Variants in AKIP1 observed in about 807,000 individuals in gnomAD.
The protein encoded by AKIP1 is A-kinase-interacting protein 1.
AKIP1 carries 18 observed loss-of-function variants against 22.3 expected under a neutral mutation model. That is an observed-to-expected ratio of 0.81 (90% CI 0.56 to 1.19). The LOEUF (loss-of-function observed/expected upper bound fraction) is 1.19. Ranked by LOEUF, AKIP1 falls within the 50% of genes most tolerant of loss-of-function variation. The pLI is 0.00. For synonymous variants in AKIP1, 120 were observed against 102.7 expected, an observed-to-expected ratio of 1.17 and a Z score of -1.02; for missense variants, 287 against 264.6, an observed-to-expected ratio of 1.08 and a Z score of -0.59.
At chr11:8,915,080 T>C (rs1452245523) in intron 4 of AKIP1, 150 bp downstream of exon 4, 5 of 576,280 alleles carry the variant, frequency 8.7e-6, no homozygotes, top group Non-Finnish European at 3.1e-6. Flanking sequence ...TTCATAGCCT[T>C]AGAGAACTTA....
At position 8,919,600 on chromosome 11, in the gene AKIP1, G is replaced by A. The variant is rs1466973457; in HGVS notation, c.*120G>A. On this transcript the variant is annotated 3_prime_UTR_variant, in exon 6 of 6. Coordinates refer to ENST00000309377, the MANE Select transcript of AKIP1 (RefSeq NM_020642.4). The stretch of plus-strand genomic sequence containing the variant: ...TTAGTGCTGACTGGGTCAGCCTTCC[G>A]GGAACTGGAGTCTGTCTCTTTCAGT... 19 of 1,102,428 alleles carry A rather than the reference G, an allele frequency of 1.7e-5. No individual in the cohort carries two copies. The highest frequency in any genetic ancestry group is 4.7e-5 in the Admixed American group (2 of 42,724). 68.3% of individuals were successfully genotyped at this position (1,102,428 alleles called of 1,614,324 possible).
At chr11:8,915,358 CT>C (rs559350653) in intron 4 of AKIP1, among the ~76,000 whole-genome samples, 35,480 of 84,550 alleles carry the variant, frequency 0.42, 5,032 homozygotes, top group Middle Eastern at 0.62. Flanking sequence ...TTTTTTTTTT[CT>C]TTTTTTTTTT....
In AKIP1 at chr11:8,911,650, G is replaced by A; in HGVS notation, c.201G>A (p.Pro67=). The A allele has an allele frequency of 6.4e-7, 1 of 1,568,938 alleles. No homozygotes were observed. The highest frequency in any genetic ancestry group is 1.2e-5 in the South Asian group (1 of 84,408). ...PHLEKQPAAG[P]QRVLPGEREE... is the part of the protein sequence containing the mutation. ...TAGAGAAACAGCCGGCAGCCGGCCC[G>A]CAGCGCGTTCTCCCGGGAGAGGTGA... is the stretch of plus-strand genomic sequence containing the variant. The change falls in exon 2 of 6, where the codon CCG becomes CCA. Residue 67 remains proline, a synonymous_variant. Coordinates refer to ENST00000309377, the MANE Select transcript of AKIP1 (RefSeq NM_020642.4).
rs1172510205 is a variant in AKIP1, at chr11:8,911,206, C to T, written c.-24C>T. The stretch of plus-strand genomic sequence containing the variant: ...CCTAGAATAGCGTTGCGCGCATGCG[C>T]CTTGACGAGTGAGCCGGGTGAGGGG... On this transcript the variant is annotated 5_prime_UTR_variant, in exon 1 of 6. Coordinates refer to ENST00000309377, the MANE Select transcript of AKIP1 (RefSeq NM_020642.4). The T allele has an allele frequency of 5.6e-6, 3 of 538,246 alleles. No homozygotes were observed. The highest frequency in any genetic ancestry group is 1.9e-5 in the African/African-American group (1 of 52,372). 33.3% of individuals were successfully genotyped at this position (538,246 alleles called of 1,614,324 possible).
rs141904303 is a variant in AKIP1, at chr11:8,919,388, T to A, written c.541T>A (p.Ser181Thr). ...CATAGAAGTATATCCAGGGACCTAT[T>A]CTGTCACTGTGGGCTCAAATGACTT... ...LYIEVYPGTY[S>T]VTVGSNDLTK... The change falls in exon 6 of 6, where the codon TCT (serine) becomes ACT (threonine). Residue 181 changes from serine to threonine, a missense_variant. Ser to Thr is a moderately conservative substitution (Grantham distance 58). Transcript: ENST00000309377. 64 of 1,614,032 alleles carry A rather than the reference T, an allele frequency of 4.0e-5. No individual in the cohort carries two copies. The highest frequency in any genetic ancestry group is 5.3e-5 in the Non-Finnish European group (63 of 1,179,980).
chr11:8,911,688 C>T lies in AKIP1; in HGVS notation c.222+17C>T, dbSNP rs373160050. On this transcript the variant is annotated intron_variant, in intron 2 of 5. Transcript: ENST00000309377. ...CCGGGAGAGGTGAGGGTCGCTGTGC[C>T]GGGGGCCGCCCCAGTCCTTCGCGCC... is the stretch of plus-strand genomic sequence containing the variant. The T allele has an allele frequency of 9.4e-6, 14 of 1,495,848 alleles. No homozygotes were observed. The highest frequency in any genetic ancestry group is 5.0e-4 in the Middle Eastern group (2 of 4,008). 92.7% of individuals were successfully genotyped at this position (1,495,848 alleles called of 1,614,324 possible). A position where few individuals can be genotyped will look rare whatever the true frequency, so the allele number is the denominator to read the frequency against.
In AKIP1 at chr11:8,918,012, A is replaced by C. The variant is rs560247200; in HGVS notation, c.489+645A>C. 4 of 152,518 alleles carry C rather than the reference A, an allele frequency of 2.6e-5. No homozygotes were observed. In the East Asian group the frequency reaches 7.7e-4, roughly 29 times the overall value. 9.4% of individuals were successfully genotyped at this position (152,518 alleles called of 1,614,324 possible). On this transcript the variant is annotated intron_variant, in intron 5 of 5. Coordinates refer to ENST00000309377, the MANE Select transcript of AKIP1 (RefSeq NM_020642.4). ...TGCTACGAGTCAGGATTTGGAGTATACTAGAGTTAGTGACAATTAAGAATA... is the reference window on the plus strand; with the variant it reads ...TGCTACGAGTCAGGATTTGGAGTATCCTAGAGTTAGTGACAATTAAGAATA...
intron 1 of AKIP1, 85 bp downstream of exon 1, chr11:8,911,308 C>G: frequency 1.3e-6 from 1 of 754,846 alleles, no homozygotes; most frequent in Non-Finnish European, 2.1e-6. Flanking sequence ...TGGGCTCCCG[C>G]TGGAGTGTGC....
At chr11:8,916,878 G>A (rs1190501262) in intron 4 of AKIP1, among the ~76,000 whole-genome samples, 1 of 152,174 alleles carries the variant, frequency 6.6e-6, no homozygotes, top group Admixed American at 6.5e-5. Flanking sequence ...CAGTCAGCCT[G>A]TTCCCTTCTA....
chr11:8,912,680 C>A, intron 3 of AKIP1, 147 bp downstream of exon 3: 1 of 717,442 alleles, frequency 1.4e-6, no homozygotes, highest in Non-Finnish European at 2.4e-6. Context: ...GGACTTAAAC[C>A]AGGGGGTAAA....
At chr11:8,911,351 G>A in intron 1 of AKIP1, 93 bp from the exon 2 acceptor site, 2 of 1,149,346 alleles carry the variant, frequency 1.7e-6, no homozygotes, top group Non-Finnish European at 2.5e-6. Flanking sequence ...TGGTCTCCAG[G>A]GAGGTCGAGG....
At chr11:8,912,614 C>G (rs1490579963) in intron 3 of AKIP1, 81 bp downstream of exon 3, 1 of 1,255,340 alleles carries the variant, frequency 8.0e-7, no homozygotes, top group Non-Finnish European at 1.2e-6. Flanking sequence ...TACGGAGAAT[C>G]TGGACACTAC....
intron 5 of AKIP1, chr11:8,917,817 A>C: frequency 4.6e-6 from 1 of 215,442 alleles, no homozygotes; most frequent in Non-Finnish European, 9.1e-6. Context: ...TTTTCCACAA[A>C]TGTTTCTCTG....
chr11:8,911,701 A>G, intron 2 of AKIP1, 30 bp downstream of exon 2: 1 of 1,472,098 alleles, frequency 6.8e-7, no homozygotes, highest in South Asian at 1.4e-5. Flanking sequence ...GGGCCGCCCC[A>G]GTCCTTCGCG....
At chr11:8,918,808 A>G (rs1676772613) in intron 5 of AKIP1, among the ~76,000 whole-genome samples, 1 of 152,248 alleles carries the variant, frequency 6.6e-6, no homozygotes, top group African/African-American at 2.4e-5. Flanking sequence ...TTTGTCAGCC[A>G]GCTGAATTGC....
chr11:8,913,304 C>G (rs1246517147), intron 3 of AKIP1, among the ~76,000 whole-genome samples: 1 of 151,918 alleles, frequency 6.6e-6, no homozygotes, highest in Non-Finnish European at 1.5e-5. Flanking sequence ...TCTCCTGCCT[C>G]AGCCTCCCGA....
chr11:8,911,894 C>CT (rs2064366123), intron 2 of AKIP1, among the ~76,000 whole-genome samples: 1 of 48,048 alleles, frequency 2.1e-5, no homozygotes, highest in African/African-American at 3.8e-5. Context: ...TGGTTGGTTA[C>CT]TTAAAAAAAA....
At chr11:8,917,260 A>C (rs1400214677) in intron 4 of AKIP1, 27 bp from the exon 5 acceptor site, 1 of 1,506,522 alleles carries the variant, frequency 6.6e-7, no homozygotes. Flanking sequence ...GCTTGGGCAC[A>C]AATCAGTGTT....
chr11:8,917,204 C>A, intron 4 of AKIP1, 83 bp from the exon 5 acceptor site: 3 of 861,046 alleles, frequency 3.5e-6, no homozygotes, highest in South Asian at 4.7e-5. Context: ...ATTACTAACT[C>A]CTAATAAGGT....
Sources: gnomAD v4.1 joint callset for allele counts (sites outside exome capture counted in the v4.1 genomes callset) on GRCh38, gnomAD v4.1.1 for gene constraint, MANE v1.5 for transcripts, NCBI Gene and HGNC (gene_info 2026-07-23, HGNC 2026-07-21) for gene names.